The following C10orf67 variants were observed in gnomAD, a reference collection of about 807,000 sequenced individuals.
The protein encoded by C10orf67 is chromosome 10 open reading frame 67.
A neutral mutation model predicts 35.6 loss-of-function variants in C10orf67; 60 were observed. The ratio of observed to expected loss-of-function variants is 1.68; its 90% confidence interval spans 1.37 to 2.09. The LOEUF (loss-of-function observed/expected upper bound fraction) is 2.09. Ranked by LOEUF, C10orf67 falls within the 30% of genes most tolerant of loss-of-function variation. C10orf67 has a pLI of 0.00. For missense variants in C10orf67, 474 were observed against 330.2 expected, an observed-to-expected ratio of 1.44 and a Z score of -3.38; for synonymous variants, 167 against 115.8, an observed-to-expected ratio of 1.44 and a Z score of -2.84.
At chr10:23,228,584 T>C (rs1347550026) in intron 13 of C10orf67, among the ~76,000 whole-genome samples, 1 of 152,068 alleles carries the variant, frequency 6.6e-6, no homozygotes, top group Non-Finnish European at 1.5e-5. Flanking sequence ...CCAAAATTGA[T>C]GAATGGGATC....
intron 10 of C10orf67, among the ~76,000 whole-genome samples, chr10:23,252,624 G>A (rs928379055): frequency 6.6e-6 from 1 of 152,212 alleles, no homozygotes; most frequent in Non-Finnish European, 1.5e-5. Flanking sequence ...TTTTGAGTGA[G>A]GACAGAGCTG....
At chr10:23,244,073 G>A (rs1842253044) in intron 12 of C10orf67, among the ~76,000 whole-genome samples, 2 of 151,910 alleles carry the variant, frequency 1.3e-5, no homozygotes, top group African/African-American at 2.4e-5. Flanking sequence ...TTTATTTTTT[G>A]TATAGATGGG....
chr10:23,274,501 G>A (rs933286599), intron 8 of C10orf67, among the ~76,000 whole-genome samples: 12 of 152,016 alleles, frequency 7.9e-5, no homozygotes, highest in African/African-American at 2.2e-4. Flanking sequence ...AAAAGAATTC[G>A]GTGATATTTC....
In C10orf67 at chr10:23,204,236, TG is replaced by T; in HGVS notation, c.1589del (p.Pro530GlnfsTer62). 3.1e-6 allele frequency: 2 copies of T among 654,934 alleles called. No individual in the cohort carries two copies. The highest frequency in any genetic ancestry group is 2.3e-5 in the Admixed American group (1 of 43,678). The allele number at this position is 654,934 out of a possible 1,614,324, so 40.6% of individuals were successfully genotyped here. Reference sequence around the variant, plus strand: ...AGGGCTCCTCCAAGGACTCTTCTTTTGGGGATTCCGACAACTTCCCTAAACG... The same window carrying T: ...AGGGCTCCTCCAAGGACTCTTCTTTTGGGATTCCGACAACTTCCCTAAACG... Reference protein sequence around the residue: ...LSPKGKLSESPKEESLEEPSM... With the variant: ...LSPKGKLSESXKEESLEEPSM... On this transcript the variant is annotated frameshift_variant, in exon 16 of 16. Coordinates refer to ENST00000636213, the MANE Select transcript of C10orf67 (RefSeq NM_001371909.1). LOFTEE classifies it low-confidence loss of function (END_TRUNC).
intron 15 of C10orf67, among the ~76,000 whole-genome samples, chr10:23,219,454 C>T (rs949547690): frequency 6.6e-6 from 1 of 152,220 alleles, no homozygotes; most frequent in Admixed American, 6.5e-5. Context: ...TGGCAGTGCA[C>T]AGTACACAAT....
At chr10:23,229,757 C>A (rs1301834290) in intron 13 of C10orf67, among the ~76,000 whole-genome samples, 2 of 152,002 alleles carry the variant, frequency 1.3e-5, no homozygotes, top group African/African-American at 4.8e-5. Flanking sequence ...CATAAAAATA[C>A]AAGGTACCTA....
chr10:23,286,545 G>A (rs998734528), intron 7 of C10orf67, among the ~76,000 whole-genome samples: 1 of 114,696 alleles, frequency 8.7e-6, no homozygotes. Context: ...AGGGAAGGAA[G>A]GGAGGGAAGG....
chr10:23,253,695 T>C (rs1372848040), intron 10 of C10orf67, among the ~76,000 whole-genome samples: 4 of 152,226 alleles, frequency 2.6e-5, no homozygotes, highest in Non-Finnish European at 5.9e-5. Context: ...TTATGTACAG[T>C]AAAAATTAGT....
At chr10:23,341,896 G>A (rs1339968117) in intron 1 of C10orf67, among the ~76,000 whole-genome samples, 2 of 152,190 alleles carry the variant, frequency 1.3e-5, no homozygotes, top group African/African-American at 2.4e-5. Context: ...TCCAGGCCGG[G>A]TATGGTGGCT....
At chr10:23,286,437 G>GGGAC (rs1843529980) in intron 7 of C10orf67, among the ~76,000 whole-genome samples, 1 of 48,390 alleles carries the variant, frequency 2.1e-5, no homozygotes, top group African/African-American at 9.0e-5. Context: ...AGGGGAGGGA[G>GGGAC]GGGAGGTGAG....
intron 7 of C10orf67, 126 bp downstream of exon 7, chr10:23,289,774 A>C: frequency 1.7e-6 from 1 of 590,138 alleles, no homozygotes; most frequent in African/African-American, 1.9e-5. Context: ...AATAGTGGGG[A>C]GAGATTAAAT....
intron 4 of C10orf67, among the ~76,000 whole-genome samples, chr10:23,307,597 T>A (rs184694025): frequency 8.6e-4 from 126 of 147,232 alleles, no homozygotes; most frequent in African/African-American, 2.9e-3. Flanking sequence ...TTTATTTAGA[T>A]TTTTTATTTA....
At chr10:23,268,418 A>G (rs2132203282) in intron 8 of C10orf67, among the ~76,000 whole-genome samples, 1 of 152,356 alleles carries the variant, frequency 6.6e-6, no homozygotes, top group South Asian at 2.1e-4. Flanking sequence ...AATGCCAGTG[A>G]TTCTAATTAT....
chr10:23,303,287 C>A lies in C10orf67; in HGVS notation c.702+17G>T. ...TTATGTATATTAAAATTAATTATTC[C>A]TTGCCTTGAAACTTACCATTTTGTG... On this transcript the variant is annotated intron_variant, in intron 5 of 15. Coordinates refer to ENST00000636213, the MANE Select transcript of C10orf67 (RefSeq NM_001371909.1). 2.0e-6 allele frequency: 1 copy of A among 509,398 alleles called. No individual in the cohort carries two copies. Among genetic ancestry groups the A allele is most frequent in the Non-Finnish European group, 3.5e-6 (1 of 282,264 alleles). 31.6% of individuals were successfully genotyped at this position (509,398 alleles called of 1,614,324 possible).
At chr10:23,302,085 G>C (rs1247102267) in intron 5 of C10orf67, among the ~76,000 whole-genome samples, 1 of 152,152 alleles carries the variant, frequency 6.6e-6, no homozygotes, top group Non-Finnish European at 1.5e-5. Flanking sequence ...GAAGAGTGCA[G>C]TTACAAGATT....
rs1167414757 is a variant in C10orf67 at position 23,238,664 on chromosome 10, A to G, written c.1434+1065T>C. On this transcript the variant is annotated intron_variant, in intron 13 of 15. Transcript: ENST00000636213. ...AAAAAGCCTGATTTTGAGTGACACC[A>G]TATTCTCCTGGATCCTCCAACGTTT... Among the ~76,000 whole-genome samples the G allele has an allele frequency of 3.3e-5, 5 of 152,228 alleles. No individual in the cohort carries two copies. The East Asian group carries it at 9.6e-4, about 29-fold the overall frequency.
intron 10 of C10orf67, among the ~76,000 whole-genome samples, chr10:23,253,538 A>G (rs1842518566): frequency 6.6e-6 from 1 of 152,186 alleles, no homozygotes; most frequent in Non-Finnish European, 1.5e-5. Context: ...AACCCAAATT[A>G]AAAAAATTAA....
At chr10:23,258,968 AG>A (rs1377408332) in intron 10 of C10orf67, among the ~76,000 whole-genome samples, 4 of 152,340 alleles carry the variant, frequency 2.6e-5, no homozygotes, top group Admixed American at 6.5e-5. Flanking sequence ...TAAAATTACT[AG>A]GTAACTTATT....
chr10:23,237,505 G>A lies in C10orf67; in HGVS notation c.1434+2224C>T, dbSNP rs181756956. On this transcript the variant is annotated intron_variant, in intron 13 of 15. Coordinates refer to ENST00000636213, the MANE Select transcript of C10orf67 (RefSeq NM_001371909.1). Reference sequence around the variant, plus strand: ...TTTTTTTTTCATAATAGCCCTAACTGGAAAGAGCTCATTTGTCCAATGAGG... The same window carrying A: ...TTTTTTTTTCATAATAGCCCTAACTAGAAAGAGCTCATTTGTCCAATGAGG... Among the ~76,000 whole-genome samples, 10 of 152,010 alleles carry A rather than the reference G, an allele frequency of 6.6e-5. 1 individual carries two copies. The highest frequency in any genetic ancestry group is 2.4e-4 in the African/African-American group (10 of 41,440).
Sources: allele counts gnomAD v4.1 joint callset (sites outside exome capture counted in the v4.1 genomes callset), GRCh38; gene constraint gnomAD v4.1.1; transcripts MANE v1.5; gene names NCBI Gene and HGNC (gene_info 2026-07-23, HGNC 2026-07-21).